Variants in NRXN1 observed in about 807,000 individuals in gnomAD.
The protein encoded by NRXN1 is neurexin-1.
Under a neutral mutation model 150.9 loss-of-function variants are expected in NRXN1, and 39 were observed. That is an observed-to-expected ratio of 0.26 (90% CI 0.20 to 0.34). The LOEUF is 0.34. Among genes scored for constraint, NRXN1 ranks in the 10% least tolerant of loss-of-function variants. The pLI is 1.00. For synonymous variants in NRXN1, 924 were observed against 757.0 expected (o/e 1.22, Z -3.62); for missense variants, 1,815 against 1,949.9 (o/e 0.93, Z 1.30).
chr2:50,317,467 T>G (rs889602808), intron 17 of NRXN1, among the ~76,000 whole-genome samples: 2 of 151,560 alleles, frequency 1.3e-5, no homozygotes, highest in East Asian at 3.9e-4. Flanking sequence ...TGGGATAATA[T>G]CTCCAAAATA....
At chr2:50,585,641 A>G (rs1161762340) in intron 8 of NRXN1, among the ~76,000 whole-genome samples, 1 of 152,218 alleles carries the variant, frequency 6.6e-6, no homozygotes, top group Non-Finnish European at 1.5e-5. Flanking sequence ...CTTTATAAAT[A>G]GAGGCTATTG....
At chr2:50,120,740 T>G (rs917338188) in intron 18 of NRXN1, among the ~76,000 whole-genome samples, 3 of 151,508 alleles carry the variant, frequency 2.0e-5, no homozygotes, top group Admixed American at 1.3e-4. Flanking sequence ...ACATACCGGT[T>G]AAGTTATTAA....
At chr2:50,503,342 A>G (rs761451120) in intron 13 of NRXN1, among the ~76,000 whole-genome samples, 2 of 151,828 alleles carry the variant, frequency 1.3e-5, no homozygotes, top group Non-Finnish European at 2.9e-5. Context: ...AAAGAAAAAA[A>G]TAAGAAAGCG....
At chr2:50,439,321 A>G (rs919808261) in intron 17 of NRXN1, among the ~76,000 whole-genome samples, 1 of 152,218 alleles carries the variant, frequency 6.6e-6, no homozygotes, top group Admixed American at 6.5e-5. Context: ...TAAGTTTTAG[A>G]ACATAGAGAA....
At chr2:49,971,495 T>A (rs1003967519) in intron 21 of NRXN1, among the ~76,000 whole-genome samples, 9 of 152,204 alleles carry the variant, frequency 5.9e-5, no homozygotes, top group Non-Finnish European at 1.3e-4. Context: ...TTTCATTCCA[T>A]TCTGCCCATA....
intron 5 of NRXN1, among the ~76,000 whole-genome samples, chr2:50,852,585 A>G (rs1485810929): frequency 6.6e-6 from 1 of 152,136 alleles, no homozygotes; most frequent in Non-Finnish European, 1.5e-5. Flanking sequence ...ACTGCTTAAG[A>G]AGGATGGTTA....
chr2:50,118,049 T>A (rs1372764567), intron 18 of NRXN1, among the ~76,000 whole-genome samples: 2 of 152,152 alleles, frequency 1.3e-5, no homozygotes, highest in Non-Finnish European at 2.9e-5. Flanking sequence ...AAGATGAATG[T>A]GATTATGGTT....
intron 17 of NRXN1, among the ~76,000 whole-genome samples, chr2:50,427,211 G>A (rs932966545): frequency 8.5e-5 from 13 of 152,108 alleles, no homozygotes; most frequent in African/African-American, 2.4e-4. Context: ...GTTATAGGAC[G>A]ATATCCAAAT....
intron 5 of NRXN1, among the ~76,000 whole-genome samples, chr2:50,896,948 G>C (rs1233879352): frequency 6.6e-6 from 1 of 152,216 alleles, no homozygotes; most frequent in Non-Finnish European, 1.5e-5. Flanking sequence ...ACTACAGCCA[G>C]CGCCCTGAGA....
At chr2:50,231,019 T>A (rs569093045) in intron 18 of NRXN1, among the ~76,000 whole-genome samples, 1 of 151,922 alleles carries the variant, frequency 6.6e-6, no homozygotes, top group African/African-American at 2.4e-5. Context: ...CTAATTCATA[T>A]AAGAATTAGG....
intron 17 of NRXN1, among the ~76,000 whole-genome samples, chr2:50,433,075 G>T (rs1479708044): frequency 1.3e-5 from 2 of 152,148 alleles, no homozygotes; most frequent in Non-Finnish European, 2.9e-5. Flanking sequence ...ACCCTTCATT[G>T]CCAGAAACAA....
chr2:51,004,513 T>A (rs770762571), intron 2 of NRXN1, among the ~76,000 whole-genome samples: 12 of 151,846 alleles, frequency 7.9e-5, no homozygotes, highest in Non-Finnish European at 1.5e-4. Context: ...TTAAAGTACG[T>A]GGTTTTATAA....
intron 5 of NRXN1, among the ~76,000 whole-genome samples, chr2:50,826,254 GCT>G (rs2105854978): frequency 6.6e-6 from 1 of 152,194 alleles, no homozygotes; most frequent in African/African-American, 2.4e-5. Context: ...ACAAGAACAA[GCT>G]AGTCATGTAA....
intron 5 of NRXN1, among the ~76,000 whole-genome samples, chr2:50,869,458 A>T (rs544522265): frequency 1.3e-4 from 17 of 133,384 alleles, no homozygotes; most frequent in East Asian, 4.6e-4. Context: ...TCAAAAAAAT[A>T]AAAAAAAAAG....
At chr2:50,948,408 T>A (rs923343206) in intron 2 of NRXN1, among the ~76,000 whole-genome samples, 1 of 152,126 alleles carries the variant, frequency 6.6e-6, no homozygotes, top group Admixed American at 6.6e-5. Flanking sequence ...AATAGCCAGA[T>A]AACAAAAGAA....
At chr2:50,138,554 G>T (rs1706751874) in intron 18 of NRXN1, among the ~76,000 whole-genome samples, 1 of 152,170 alleles carries the variant, frequency 6.6e-6, no homozygotes, top group African/African-American at 2.4e-5. Context: ...TGTGACAATA[G>T]AATTCAAATG....
intron 17 of NRXN1, among the ~76,000 whole-genome samples, chr2:50,286,340 A>G (rs992122463): frequency 3.9e-5 from 6 of 152,050 alleles, no homozygotes. Context: ...TCTACTTCTG[A>G]GATCAACTTT....
intron 2 of NRXN1, among the ~76,000 whole-genome samples, chr2:50,955,681 T>C (rs190166412): frequency 2.0e-5 from 3 of 152,338 alleles, no homozygotes; most frequent in Non-Finnish European, 4.4e-5. Context: ...CAAGTTGAGA[T>C]TGAAAGCAAT....
At chr2:50,415,398 A>G (rs1178129916) in intron 17 of NRXN1, among the ~76,000 whole-genome samples, 1 of 152,024 alleles carries the variant, frequency 6.6e-6, no homozygotes, top group Non-Finnish European at 1.5e-5. Context: ...TTTTCTCTTC[A>G]CTAGATTGAC....
Sources: gnomAD v4.1 joint callset for allele counts (sites outside exome capture counted in the v4.1 genomes callset) on GRCh38, gnomAD v4.1.1 for gene constraint, MANE v1.5 for transcripts, NCBI Gene and HGNC (gene_info 2026-07-23, HGNC 2026-07-21) for gene names.